KCNQ1: variants seen among roughly 807,000 people sequenced by gnomAD.
The protein encoded by KCNQ1 is potassium voltage-gated channel subfamily Q member 1.
A neutral mutation model predicts 72.4 loss-of-function variants in KCNQ1; 49 were observed. The observed-to-expected ratio is 0.68, with a 90% CI of 0.54 to 0.86. KCNQ1 has a LOEUF of 0.86. Among genes scored for constraint, KCNQ1 ranks in the 40% least tolerant of loss-of-function variants. The pLI is 0.00. For missense variants in KCNQ1, 790 were observed against 945.1 expected (o/e 0.84, Z 2.15); for synonymous variants, 450 against 412.6 (o/e 1.09, Z -1.10).
rs1298908296 is a variant in KCNQ1 at position 2,481,836 on chromosome 11, T to G, written c.386+36352T>G. On this transcript the variant is annotated intron_variant, in intron 1 of 15. Coordinates refer to ENST00000155840, the MANE Select transcript of KCNQ1 (RefSeq NM_000218.3). This position sits in a 1 kb window ranked among gnomAD's most constrained non-coding sequence, Gnocchi z 4.6. The stretch of plus-strand genomic sequence containing the variant: ...AAACAAGCTCAGGGCTCTCACTGAT[T>G]CTACATTATGGTGAGTTGTATAATT... Among the ~76,000 whole-genome samples the G allele has an allele frequency of 3.9e-5, 6 of 152,242 alleles. No homozygotes were observed. The highest frequency in any genetic ancestry group is 1.4e-4 in the African/African-American group (6 of 41,452).
In KCNQ1 at chr11:2,651,085, C is replaced by T. The variant is rs1299891434; in HGVS notation, c.1394-10876C>T. 1 of 398,636 alleles carries T rather than the reference C, an allele frequency of 2.5e-6. No homozygotes were observed. The highest frequency in any genetic ancestry group is 1.3e-4 in the South Asian group (1 of 7,860). The allele number at this position is 398,636 out of a possible 1,614,324, so 24.7% of individuals were successfully genotyped here. ...GTTGTCCATACCTCATTACTGGTCT[C>T]TTGATTTCCACTCTTGCTTCCTGTA... On this transcript the variant is annotated intron_variant, in intron 10 of 15. Coordinates refer to ENST00000155840, the MANE Select transcript of KCNQ1 (RefSeq NM_000218.3). This position sits in a 1 kb window ranked among gnomAD's most constrained non-coding sequence, Gnocchi z 6.1.
intron 10 of KCNQ1, among the ~76,000 whole-genome samples, chr11:2,591,706 TAATG>T (rs1238538496): frequency 1.3e-5 from 2 of 152,254 alleles, no homozygotes; most frequent in Non-Finnish European, 2.9e-5. Context: ...TGCGGAATGT[TAATG>T]AGGGGCAAGT....
At chr11:2,798,209 A>G (rs1332174053) in intron 15 of KCNQ1, among the ~76,000 whole-genome samples, 1 of 152,214 alleles carries the variant, frequency 6.6e-6, no homozygotes, top group Non-Finnish European at 1.5e-5. Context: ...TGGCTGTCCA[A>G]GAGGAAGGGG....
At chr11:2,529,284 T>C (rs576988521) in intron 2 of KCNQ1, among the ~76,000 whole-genome samples, 1 of 152,300 alleles carries the variant, frequency 6.6e-6, no homozygotes, top group African/African-American at 2.4e-5. Context: ...CTAAAATCAA[T>C]TTCATGATGT....
intron 11 of KCNQ1, chr11:2,693,538 G>T: frequency 2.5e-6 from 1 of 398,676 alleles, no homozygotes; most frequent in South Asian, 1.3e-4. Flanking sequence ...CGGGCTGCTA[G>T]GGAGGTTGAG....
intron 12 of KCNQ1, chr11:2,771,267 A>T (rs1846594219): frequency 6.6e-6 from 1 of 152,406 alleles, no homozygotes; most frequent in South Asian, 2.1e-4. Context: ...AGGTCAAGAG[A>T]TCATCCAGCC....
intron 1 of KCNQ1, among the ~76,000 whole-genome samples, chr11:2,513,923 C>G (rs1288554490): frequency 6.6e-6 from 1 of 152,236 alleles, no homozygotes. Flanking sequence ...TCTGATGCCC[C>G]CCGGCCTGCA....
rs3079081 is a variant in KCNQ1 at position 2,814,623 on chromosome 11, C to CAAGGAAGGAAGG, written c.1795-33119_1795-33108dup. On this transcript the variant is annotated intron_variant, in intron 15 of 15. Coordinates refer to ENST00000155840, the MANE Select transcript of KCNQ1 (RefSeq NM_000218.3). The stretch of plus-strand genomic sequence containing the variant: ...GGATGGGTAGATGGATGGAAGGAGA[C>CAAGGAAGGAAGG]AAGGAAGGAAGGAAGGAAGGAAGGA... Among the ~76,000 whole-genome samples, 16 of 142,546 alleles carry CAAGGAAGGAAGG rather than the reference C, an allele frequency of 1.1e-4. No individual in the cohort carries two copies. The East Asian group carries it at 1.4e-3, about 12-fold the overall frequency. The allele number at this position is 142,546 out of a possible 152,430, so 93.5% of individuals were successfully genotyped here. A position where few individuals can be genotyped will look rare whatever the true frequency, so the allele number is the denominator to read the frequency against.
rs539822354 is a variant in KCNQ1 at position 2,601,205 on chromosome 11, A to C, written c.1393+12351A>C. On this transcript the variant is annotated intron_variant, in intron 10 of 15. Transcript: ENST00000155840. The surrounding 1 kb of genome is among the most constrained non-coding windows in gnomAD (Gnocchi z 5.2). ...CCCCTTCCACGAAAGTACAGAAAGA[A>C]AAAAAAATACTGTCCAGTTGGAATG... Among the ~76,000 whole-genome samples the C allele has an allele frequency of 1.4e-4, 22 of 152,190 alleles. No individual in the cohort carries two copies. The highest frequency in any genetic ancestry group is 5.1e-4 in the African/African-American group (21 of 41,522).
chr11:2,688,792 C>T (rs369902366), intron 11 of KCNQ1: 41 of 398,784 alleles, frequency 1.0e-4, no homozygotes, highest in African/African-American at 7.4e-4. Flanking sequence ...TACTTGCCCT[C>T]CCCCACACAC....
chr11:2,756,666 G>A lies in KCNQ1; in HGVS notation c.1515-12178G>A, dbSNP rs370286452. On this transcript the variant is annotated intron_variant, in intron 11 of 15. Transcript: ENST00000155840. ...TGGTTTGGCCGTGTTGCCCAGGCTGGTCTTGAACTCCTGAGCTCAAAGCAA... is the reference window on the plus strand; with the variant it reads ...TGGTTTGGCCGTGTTGCCCAGGCTGATCTTGAACTCCTGAGCTCAAAGCAA... Among the ~76,000 whole-genome samples, 352 of 152,022 alleles carry A rather than the reference G, an allele frequency of 2.3e-3. 4 individuals carry two copies. Among genetic ancestry groups the A allele is most frequent in the African/African-American group, 8.0e-3 (331 of 41,456 alleles).
intron 10 of KCNQ1, chr11:2,632,869 G>A (rs540121917): frequency 2.5e-6 from 1 of 398,394 alleles, no homozygotes; most frequent in Non-Finnish European, 4.4e-6. Flanking sequence ...GAACAGTACT[G>A]CAATAAACAT....
At chr11:2,777,514 G>A in intron 14 of KCNQ1, 1 of 539,608 alleles carries the variant, frequency 1.9e-6, no homozygotes, top group Non-Finnish European at 3.2e-6. Flanking sequence ...GGGGCTGTGA[G>A]TCATTCCGGG....
At chr11:2,558,884 T>A (rs891517838) in intron 2 of KCNQ1, among the ~76,000 whole-genome samples, 1 of 152,130 alleles carries the variant, frequency 6.6e-6, no homozygotes. Context: ...AAGAATGTGC[T>A]AGGCCCAGGG....
At chr11:2,719,335 A>AAAC (rs1365700250) in intron 11 of KCNQ1, among the ~76,000 whole-genome samples, 3 of 151,326 alleles carry the variant, frequency 2.0e-5, no homozygotes, top group Admixed American at 1.3e-4. Flanking sequence ...CTCTACCAAA[A>AAAC]AAAAAAAAAA....
Position 2,621,360 on chromosome 11 carries a change from A to T in KCNQ1, c.1393+32506A>T, listed in dbSNP as rs927323934. 2.5e-6 allele frequency: 1 copy of T among 398,430 alleles called. No homozygotes were observed. The highest frequency in any genetic ancestry group is 4.4e-5 in the Admixed American group (1 of 22,696). The allele number at this position is 398,430 out of a possible 1,614,324, so 24.7% of individuals were successfully genotyped here. On this transcript the variant is annotated intron_variant, in intron 10 of 15. Coordinates refer to ENST00000155840, the MANE Select transcript of KCNQ1 (RefSeq NM_000218.3). The surrounding 1 kb of genome is among the most constrained non-coding windows in gnomAD (Gnocchi z 5.7). ...TTCTGTATTTTCTTTTAAGAAATGT[A>T]TGTTCCTGTCCTTTGCCAATTCAAT...
At chr11:2,793,864 T>G (rs1847080970) in intron 15 of KCNQ1, among the ~76,000 whole-genome samples, 1 of 152,198 alleles carries the variant, frequency 6.6e-6, no homozygotes, top group Admixed American at 6.5e-5. Context: ...TAGTGACCCG[T>G]AATTACATAT....
intron 15 of KCNQ1, among the ~76,000 whole-genome samples, chr11:2,793,741 T>G (rs1847078861): frequency 6.6e-6 from 1 of 152,184 alleles, no homozygotes; most frequent in Non-Finnish European, 1.5e-5. Context: ...TGAAGCACTG[T>G]GGGCATTTAT....
intron 15 of KCNQ1, among the ~76,000 whole-genome samples, chr11:2,814,667 TAAGG>T (rs1847579170): frequency 7.0e-6 from 1 of 143,316 alleles, no homozygotes. Context: ...AGGGTGGAGG[TAAGG>T]GAGGGAGGGA....
Sources: gnomAD v4.1 joint callset for allele counts (sites outside exome capture counted in the v4.1 genomes callset) on GRCh38, gnomAD v4.1.1 for gene constraint, Gnocchi (gnomAD v3.1) non-coding constraint, MANE v1.5 for transcripts, NCBI Gene and HGNC (gene_info 2026-07-23, HGNC 2026-07-21) for gene names.